The following STK31 variants were observed in gnomAD, a reference collection of about 807,000 sequenced individuals.
STK31 encodes serine/threonine-protein kinase 31.
Under a neutral mutation model 129.7 loss-of-function variants are expected in STK31, and 89 were observed. The ratio of observed to expected loss-of-function variants is 0.69; its 90% CI spans 0.58 to 0.82. STK31 has a LOEUF of 0.82. Ranked by LOEUF, STK31 falls within the 40% of genes least tolerant of loss-of-function variation. The pLI is 0.00. For synonymous variants in STK31, 448 were observed against 395.3 expected, an observed-to-expected ratio of 1.13 and a Z score of -1.58; for missense variants, 1,187 against 1,176.4, an observed-to-expected ratio of 1.01 and a Z score of -0.13.
chr7:23,809,338 A>G (rs1792938076), intron 22 of STK31, among the ~76,000 whole-genome samples: 1 of 152,006 alleles, frequency 6.6e-6, no homozygotes, highest in Non-Finnish European at 1.5e-5. Context: ...ATTCCTCTCA[A>G]CAATTATTTT....
rs1159361843 is a variant in STK31, at chr7:23,825,078, GC to G, written c.2830-7055del. 6.2e-4 allele frequency among the ~76,000 whole-genome samples: 95 copies of G among 152,034 alleles called. 1 individual carries two copies. Among genetic ancestry groups the G allele is most frequent in the Admixed American group, 2.9e-3 (45 of 15,276 alleles). On this transcript the variant is annotated intron_variant, in intron 23 of 23. Transcript: ENST00000355870. ...AATTGTCTTTTTTGGTTGTGTCTCT[GC>G]CCGGCTTTGGTATCAGGATGATGCT...
intron 12 of STK31, among the ~76,000 whole-genome samples, 160 bp from the exon 13 acceptor site, chr7:23,769,480 A>G (rs1215368372): frequency 6.6e-6 from 1 of 151,878 alleles, no homozygotes; most frequent in Non-Finnish European, 1.5e-5. Context: ...TTTTCCTTTC[A>G]GTGCATAAAT....
chr7:23,753,582 C>T (rs780498587), intron 9 of STK31, among the ~76,000 whole-genome samples: 12 of 152,146 alleles, frequency 7.9e-5, no homozygotes, highest in Non-Finnish European at 1.5e-4. Flanking sequence ...TTGCAATAAG[C>T]GATGTGACAT....
intron 4 of STK31, among the ~76,000 whole-genome samples, chr7:23,724,337 C>G (rs1470416395): frequency 6.6e-6 from 1 of 152,150 alleles, no homozygotes; most frequent in East Asian, 1.9e-4. Flanking sequence ...GTAAGGAGCC[C>G]TTAGTGTCTT....
chr7:23,826,962 C>T (rs150001409), intron 23 of STK31, among the ~76,000 whole-genome samples: 20,656 of 151,742 alleles, frequency 0.14, 2,291 homozygotes, highest in African/African-American at 0.31. Flanking sequence ...CTGAGAGATT[C>T]ACTGTTAGTC....
intron 1 of STK31, 33 bp from the exon 2 acceptor site, chr7:23,712,066 A>G (rs769615157): frequency 1.8e-5 from 28 of 1,532,858 alleles, no homozygotes; most frequent in Non-Finnish European, 2.3e-5. Context: ...TTAATGGTGG[A>G]TTATTGTAAT....
intron 15 of STK31, among the ~76,000 whole-genome samples, chr7:23,780,286 A>G (rs1424193204): frequency 2.0e-5 from 3 of 152,144 alleles, no homozygotes; most frequent in African/African-American, 7.2e-5. Flanking sequence ...CTATTTGGCC[A>G]TCTTAGTATC....
Position 23,735,722 on chromosome 7 carries a change from A to G in STK31, c.668A>G (p.Glu223Gly). Residue 223 changes from glutamate (E) to glycine (G), a missense_variant, in exon 7 of 24, where the codon GAA becomes GGA. By Grantham distance (98) the Glu-to-Gly change is moderately conservative. Coordinates refer to ENST00000355870, the MANE Select transcript of STK31 (RefSeq NM_031414.5). The stretch of plus-strand genomic sequence containing the variant: ...GCTTCCAGAACTGACATCTGTGAGG[A>G]AAAAAAATTGGATCCTGGTCAACTT... ...RLASRTDICE[E>G]KKLDPGQLVL... 1 of 1,613,908 alleles carries G rather than the reference A, an allele frequency of 6.2e-7. No homozygotes were observed. The highest frequency in any genetic ancestry group is 8.5e-7 in the Non-Finnish European group (1 of 1,179,960).
chr7:23,782,728 G>T, intron 16 of STK31, among the ~76,000 whole-genome samples: 1 of 152,070 alleles, frequency 6.6e-6, no homozygotes, highest in East Asian at 1.9e-4. Flanking sequence ...CTTATGTAGA[G>T]CTATGTGTTT....
chr7:23,785,631 G>C (rs766031728), intron 18 of STK31, 28 bp downstream of exon 18: 13 of 1,601,100 alleles, frequency 8.1e-6, no homozygotes, highest in Middle Eastern at 1.7e-4. Flanking sequence ...TTACTTGTGG[G>C]AGATTCAGCA....
rs1787352378 is a variant in STK31 at position 23,730,733 on chromosome 7, C to G, written c.483+1484C>G. On this transcript the variant is annotated intron_variant, in intron 6 of 23. Coordinates refer to ENST00000355870, the MANE Select transcript of STK31 (RefSeq NM_031414.5). ...ACAGATTTGTGTTGATTGAAACACA[C>G]ATGAATCAAGGGGGAAAAAGACATT... Among the ~76,000 whole-genome samples the G allele has an allele frequency of 3.3e-5, 5 of 150,912 alleles. No individual in the cohort carries two copies. The South Asian group carries it at 1.0e-3, about 32-fold the overall frequency.
At chr7:23,728,072 CTTTTTTTT>C (rs56355518) in intron 5 of STK31, among the ~76,000 whole-genome samples, 6 of 68,290 alleles carry the variant, frequency 8.8e-5, no homozygotes, top group Non-Finnish European at 1.6e-4. Context: ...TTGTGTTAAG[CTTTTTTTT>C]TTTTTTTTTT....
upstream of STK31, chr7:23,710,194 C>CACGCAGGCGCAGTGT: frequency 6.2e-7 from 1 of 1,600,544 alleles, no homozygotes; most frequent in Non-Finnish European, 8.5e-7. Context: ...CAGCGCTGTG[C>CACGCAGGCGCAGTGT]ACGCAGGCGC....
chr7:23,832,171 A>G lies in STK31; in HGVS notation c.2865A>G (p.Ile955Met). 6.2e-7 allele frequency: 1 copy of G among 1,614,048 alleles called. No homozygotes were observed. Among genetic ancestry groups the G allele is most frequent in the Non-Finnish European group, 8.5e-7 (1 of 1,179,990 alleles). Residue 955 changes from isoleucine to methionine, a missense_variant, in exon 24 of 24, where the codon ATA becomes ATG. Around this residue, in one of 5 missense-constraint regions of STK31, gnomAD observed 975 missense variants for 934.9 expected, o/e 1.04. Coordinates refer to ENST00000355870, the MANE Select transcript of STK31 (RefSeq NM_031414.5). ...TCAAATCCCTCCTCTGTAGCTTGAT[A>G]TGTTATAGAAGTTCAATGACTGCTG... The part of the protein sequence containing the change: ...DKVKSLLCSL[I>M]CYRSSMTAEQ...
intron 22 of STK31, among the ~76,000 whole-genome samples, chr7:23,795,278 G>C (rs1169460376): frequency 2.0e-5 from 3 of 152,192 alleles, no homozygotes; most frequent in Non-Finnish European, 4.4e-5. Flanking sequence ...TACAGCTCAG[G>C]CCATGGCTTT....
intron 1 of STK31, 70 bp from the exon 2 acceptor site, chr7:23,712,029 A>G: frequency 7.9e-7 from 1 of 1,266,522 alleles, no homozygotes; most frequent in African/African-American, 1.5e-5. Flanking sequence ...AGAATTGAAC[A>G]TGATGTAGTT....
At chr7:23,813,339 A>G (rs73086949) in intron 22 of STK31, among the ~76,000 whole-genome samples, 3,785 of 152,170 alleles carry the variant, frequency 0.025, 88 homozygotes, top group African/African-American at 0.062. Context: ...TTTTATGACC[A>G]TTGCTTGAAA....
intron 23 of STK31, among the ~76,000 whole-genome samples, chr7:23,815,587 T>C (rs1793423980): frequency 6.6e-6 from 1 of 152,140 alleles, no homozygotes; most frequent in Non-Finnish European, 1.5e-5. Context: ...GCTATTTCTG[T>C]GATAGGAATT....
intron 23 of STK31, among the ~76,000 whole-genome samples, chr7:23,820,161 T>C (rs1020658979): frequency 1.3e-5 from 2 of 152,204 alleles, no homozygotes; most frequent in Non-Finnish European, 2.9e-5. Flanking sequence ...GTTTCAGTAT[T>C]GGAGGCATTC....
Sources: gnomAD v4.1 joint callset for allele counts (sites outside exome capture counted in the v4.1 genomes callset) on GRCh38, gnomAD v4.1.1 for gene constraint, gnomAD v4.1.1 regional missense constraint, MANE v1.5 for transcripts, NCBI Gene and HGNC (gene_info 2026-07-23, HGNC 2026-07-21) for gene names.